SMC5: variants seen among roughly 807,000 people sequenced by gnomAD.
SMC5 encodes structural maintenance of chromosomes protein 5.
In SMC5, 88 loss-of-function variants were observed where a neutral mutation model predicts 148.3. The ratio of observed to expected loss-of-function variants is 0.59; its 90% CI spans 0.50 to 0.71. The LOEUF (loss-of-function observed/expected upper bound fraction) is 0.71. SMC5 is among the 30% of genes least tolerant of loss of function. The probability of loss-of-function intolerance (pLI) is 0.00; values close to 1 mark genes in which losing one functional copy is unlikely to be tolerated. For missense variants in SMC5, 1,142 were observed against 1,298.9 expected (o/e 0.88, Z 1.86); for synonymous variants, 421 against 432.8 (o/e 0.97, Z 0.34).
intron 2 of SMC5, 110 bp downstream of exon 2, chr9:70,264,555 A>G: frequency 2.0e-6 from 2 of 1,005,790 alleles, no homozygotes; most frequent in Non-Finnish European, 2.8e-6. Context: ...ATAGTGCATG[A>G]ATACAAGGAA....
intron 22 of SMC5, among the ~76,000 whole-genome samples, chr9:70,349,431 TAAG>T (rs1237824117): frequency 6.6e-6 from 1 of 152,170 alleles, no homozygotes. Flanking sequence ...GTGCCATCAA[TAAG>T]AATAGTAAAC....
At chr9:70,345,965 G>A (rs1564073425) in intron 18 of SMC5, among the ~76,000 whole-genome samples, 1 of 152,106 alleles carries the variant, frequency 6.6e-6, no homozygotes, top group Non-Finnish European at 1.5e-5. Flanking sequence ...TAGTGACAGA[G>A]CCAGCAAGAC....
At chr9:70,307,142 C>T (rs1190257243) in intron 11 of SMC5, among the ~76,000 whole-genome samples, 4 of 152,186 alleles carry the variant, frequency 2.6e-5, no homozygotes, top group Admixed American at 2.0e-4. Flanking sequence ...CCTCTAATCC[C>T]AGCACTTTAG....
At chr9:70,315,382 C>A (rs1337420138) in intron 12 of SMC5, 64 bp from the exon 13 acceptor site, 2 of 1,193,406 alleles carry the variant, frequency 1.7e-6, no homozygotes, top group Non-Finnish European at 2.3e-6. Flanking sequence ...GGTGGCTTAT[C>A]AACTCCCAGA....
At chr9:70,270,642 A>ATTTTTT (rs71364589) in intron 3 of SMC5, among the ~76,000 whole-genome samples, 2 of 103,804 alleles carry the variant, frequency 1.9e-5, no homozygotes, top group Non-Finnish European at 3.7e-5. Flanking sequence ...AGACTAAATA[A>ATTTTTT]TTTTTTTTTT....
chr9:70,329,288 C>A (rs778879760), intron 17 of SMC5, among the ~76,000 whole-genome samples: 32 of 152,238 alleles, frequency 2.1e-4, no homozygotes, highest in Non-Finnish European at 4.0e-4. Flanking sequence ...TCCAAACTTT[C>A]ATGCTCTGCT....
At chr9:70,346,494 T>C (rs2036670197) in intron 18 of SMC5, 111 bp from the exon 19 acceptor site, 1 of 1,041,252 alleles carries the variant, frequency 9.6e-7, no homozygotes. Flanking sequence ...ACTGTCAAAG[T>C]AATTAGATTC....
intron 11 of SMC5, among the ~76,000 whole-genome samples, chr9:70,308,622 A>G (rs75014201): frequency 2.1e-5 from 3 of 144,396 alleles, no homozygotes; most frequent in African/African-American, 7.5e-5. Context: ...AAAAAAAAGA[A>G]TTACTAATCT....
intron 15 of SMC5, among the ~76,000 whole-genome samples, chr9:70,320,563 T>C (rs1166963270): frequency 6.6e-6 from 1 of 152,128 alleles, no homozygotes; most frequent in African/African-American, 2.4e-5. Context: ...TTATAACTAA[T>C]CTAGAGATAA....
intron 1 of SMC5, among the ~76,000 whole-genome samples, chr9:70,263,362 G>A (rs1186249088): frequency 6.6e-6 from 1 of 152,130 alleles, no homozygotes; most frequent in African/African-American, 2.4e-5. Flanking sequence ...ATTACCACCC[G>A]ACATTTCAAA....
At chr9:70,295,922 C>T (rs1007250602) in intron 8 of SMC5, among the ~76,000 whole-genome samples, 10 of 152,072 alleles carry the variant, frequency 6.6e-5, no homozygotes, top group African/African-American at 9.7e-5. Context: ...CATTTATTTT[C>T]CTGAATCCCT....
rs1564078573 is a variant in SMC5, at chr9:70,353,757, G to A, written c.*1426G>A. ...TCTTAAACTAACTCCAGTGCATGAA[G>A]TGTGAAAATATTTTAAAATGACATT... On this transcript the variant is annotated 3_prime_UTR_variant, in exon 25 of 25. Transcript: ENST00000361138. The A allele has an allele frequency of 6.6e-6, 1 of 152,180 alleles. No individual in the cohort carries two copies. Among genetic ancestry groups the A allele is most frequent in the Non-Finnish European group, 1.5e-5 (1 of 68,026 alleles). 9.4% of individuals were successfully genotyped at this position (152,180 alleles called of 1,614,324 possible). A position where few individuals can be genotyped will look rare whatever the true frequency, so the allele number is the denominator to read the frequency against.
intron 17 of SMC5, among the ~76,000 whole-genome samples, chr9:70,338,682 C>T (rs151291439): frequency 1.4e-4 from 22 of 152,288 alleles, no homozygotes; most frequent in Admixed American, 7.2e-4. Context: ...TACCATTGTT[C>T]ATAACCTCTG....
chr9:70,318,874 C>G lies in SMC5; in HGVS notation c.2061C>G (p.Asp687Glu), dbSNP rs2035876146. 1 of 1,611,832 alleles carries G rather than the reference C, an allele frequency of 6.2e-7. No individual in the cohort carries two copies. The highest frequency in any genetic ancestry group is 8.5e-7 in the Non-Finnish European group (1 of 1,179,026). ...CAAGCAAACATCTGGAGCACAAAGA[C>G]AATGAACTTAGACAAAAGAAGAAGG... is the stretch of plus-strand genomic sequence containing the variant. ...RETSKHLEHK[D>E]NELRQKKKEL... The change falls in exon 15 of 25, where the codon GAC becomes GAG. Residue 687 changes from aspartate to glutamate, a missense_variant. Physicochemically the swap from Asp to Glu is conservative, Grantham distance 45. Coordinates refer to ENST00000361138, the MANE Select transcript of SMC5 (RefSeq NM_015110.4).
rs967419493 is a variant in SMC5 at position 70,353,400 on chromosome 9, A to G, written c.*1069A>G. 2.0e-5 allele frequency: 3 copies of G among 152,166 alleles called. No individual in the cohort carries two copies. Among genetic ancestry groups the G allele is most frequent in the African/African-American group, 7.2e-5 (3 of 41,460 alleles). 9.4% of individuals were successfully genotyped at this position (152,166 alleles called of 1,614,324 possible). On this transcript the variant is annotated 3_prime_UTR_variant, in exon 25 of 25. Coordinates refer to ENST00000361138, the MANE Select transcript of SMC5 (RefSeq NM_015110.4). Reference sequence around the variant, plus strand: ...AATTAAATGGGAAAATCATTTGTTTATCTCTAAGTTATACTAATTAGTAGA... The same window carrying G: ...AATTAAATGGGAAAATCATTTGTTTGTCTCTAAGTTATACTAATTAGTAGA...
chr9:70,342,033 T>C (rs1198251203), intron 17 of SMC5, among the ~76,000 whole-genome samples: 2 of 149,360 alleles, frequency 1.3e-5, no homozygotes, highest in African/African-American at 4.9e-5. Context: ...ATGTGGCACA[T>C]ATACACCATG....
intron 11 of SMC5, among the ~76,000 whole-genome samples, chr9:70,312,655 T>C (rs1016978557): frequency 6.6e-6 from 1 of 152,254 alleles, no homozygotes; most frequent in African/African-American, 2.4e-5. Context: ...TGTCAAGTTT[T>C]TTCAGATGGT....
At chr9:70,282,197 G>A (rs1415355324) in intron 6 of SMC5, among the ~76,000 whole-genome samples, 3 of 151,972 alleles carry the variant, frequency 2.0e-5, no homozygotes, top group Non-Finnish European at 4.4e-5. Context: ...AATCTGAACT[G>A]GTGATAGAAA....
At chr9:70,271,272 A>G (rs985994402) in intron 3 of SMC5, among the ~76,000 whole-genome samples, 3 of 152,192 alleles carry the variant, frequency 2.0e-5, no homozygotes, top group African/African-American at 7.2e-5. Flanking sequence ...AAAAAAGTTA[A>G]TTTTTTAAAG....
Sources: gnomAD v4.1 joint callset for allele counts (sites outside exome capture counted in the v4.1 genomes callset) on GRCh38, gnomAD v4.1.1 for gene constraint, MANE v1.5 for transcripts, NCBI Gene and HGNC (gene_info 2026-07-23, HGNC 2026-07-21) for gene names.